CTDP1: variants seen among roughly 807,000 people sequenced by gnomAD.
CTDP1 encodes the protein RNA polymerase II subunit A C-terminal domain phosphatase.
A neutral mutation model predicts 91.8 loss-of-function variants in CTDP1; 47 were observed. The observed-to-expected ratio is 0.51, with a 90% CI of 0.41 to 0.65. The LOEUF (loss-of-function observed/expected upper bound fraction) is 0.65. Among genes scored for constraint, CTDP1 ranks in the 30% least tolerant of loss-of-function variants. The pLI, the probability that CTDP1 is intolerant of heterozygous loss-of-function variation, is 0.00. For synonymous variants in CTDP1, 656 were observed against 598.5 expected (o/e 1.10, Z -1.40); for missense variants, 1,272 against 1,373.7 (o/e 0.93, Z 1.17).
chr18:79,750,630 A>G (rs1481597804), intron 12 of CTDP1, among the ~76,000 whole-genome samples: 1 of 144,816 alleles, frequency 6.9e-6, no homozygotes, highest in African/African-American at 2.6e-5. Context: ...AGTAGCTGGG[A>G]CTACAGGTGC....
chr18:79,722,058 ATT>A (rs1256653971), intron 10 of CTDP1, among the ~76,000 whole-genome samples: 2 of 152,182 alleles, frequency 1.3e-5, no homozygotes, highest in African/African-American at 4.8e-5. Flanking sequence ...TCCTGTCCTC[ATT>A]GTCTTAAACT....
intron 11 of CTDP1, among the ~76,000 whole-genome samples, chr18:79,732,151 T>G (rs906305214): frequency 8.7e-5 from 13 of 150,174 alleles, no homozygotes; most frequent in Non-Finnish European, 1.5e-4. Flanking sequence ...ACATAAGAAC[T>G]AACATCAGGA....
chr18:79,749,501 C>CGCCACGCACTCCCGAG (rs142577028), intron 12 of CTDP1, among the ~76,000 whole-genome samples: 139,435 of 150,234 alleles, frequency 0.93, 65,490 homozygotes, highest in Non-Finnish European at 1. Context: ...GTGAGGGTCG[C>CGCCACGCACTCCCGAG]GCCCCGTGCA....
upstream of CTDP1, chr18:79,679,631 G>A (rs187254134): frequency 2.0e-6 from 1 of 491,878 alleles, no homozygotes; most frequent in South Asian, 1.5e-5. Context: ...CTGCTCCACG[G>A]TGCCGGCGCT....
In CTDP1 at chr18:79,718,931, C is replaced by T. The variant is rs190654928; in HGVS notation, c.2417+915C>T. On this transcript the variant is annotated intron_variant, in intron 10 of 12. Transcript: ENST00000613122. Reference sequence around the variant, plus strand: ...CGGTTAATGGGGAGATGGAGAGGTACGGCTTGATGTCCTTTTCGAGCCTTT... The same window carrying T: ...CGGTTAATGGGGAGATGGAGAGGTATGGCTTGATGTCCTTTTCGAGCCTTT... Among the ~76,000 whole-genome samples, 95 of 152,244 alleles carry T rather than the reference C, an allele frequency of 6.2e-4. No homozygotes were observed. In the East Asian group the frequency reaches 0.015, roughly 25 times the overall value.
At chr18:79,706,218 G>A (rs910384235) in intron 5 of CTDP1, among the ~76,000 whole-genome samples, 5 of 152,190 alleles carry the variant, frequency 3.3e-5, no homozygotes, top group African/African-American at 2.4e-5. Flanking sequence ...GTGGTCGGAC[G>A]CCGGCCTCCA....
intron 12 of CTDP1, among the ~76,000 whole-genome samples, chr18:79,739,851 C>CGGCGCT (rs1568215688): frequency 4.2e-4 from 32 of 76,562 alleles, no homozygotes; most frequent in South Asian, 6.7e-4. Flanking sequence ...GGGTGGGACT[C>CGGCGCT]TCATACCCAC....
At chr18:79,729,409 G>A (rs535955768) in intron 11 of CTDP1, among the ~76,000 whole-genome samples, 4 of 152,312 alleles carry the variant, frequency 2.6e-5, no homozygotes, top group African/African-American at 4.8e-5. Flanking sequence ...GGGTCTGGAG[G>A]CACTCATGGT....
chr18:79,688,500 G>A (rs1216053569), intron 1 of CTDP1, among the ~76,000 whole-genome samples: 1 of 152,150 alleles, frequency 6.6e-6, no homozygotes, highest in East Asian at 1.9e-4. Flanking sequence ...CCTGACCTCA[G>A]GTGATCCACC....
upstream of CTDP1, chr18:79,679,607 C>G (rs1210622668): frequency 4.8e-5 from 23 of 478,520 alleles, no homozygotes; most frequent in Admixed American, 5.3e-4. Flanking sequence ...GACAGCGGCC[C>G]GCGTTGCATG....
chr18:79,680,402 C>G, intron 1 of CTDP1, 141 bp downstream of exon 1: 1 of 646,714 alleles, frequency 1.5e-6, no homozygotes, highest in East Asian at 3.6e-5. Context: ...CACTGCGCTT[C>G]TCCCCTAAAA....
chr18:79,724,896 T>C (rs1262830549), intron 10 of CTDP1, among the ~76,000 whole-genome samples: 1 of 152,190 alleles, frequency 6.6e-6, no homozygotes, highest in Non-Finnish European at 1.5e-5. Context: ...CCATGGCTGC[T>C]TCTGCCGCAG....
In CTDP1 at chr18:79,717,949, A is replaced by T. The variant is rs781164143; in HGVS notation, c.2350A>T (p.Thr784Ser). 6 of 1,613,466 alleles carry T rather than the reference A, an allele frequency of 3.7e-6. No homozygotes were observed. The highest frequency in any genetic ancestry group is 5.1e-6 in the Non-Finnish European group (6 of 1,179,986). Residue 784 changes from threonine (T) to serine (S), a missense_variant, in exon 10 of 13, where the codon ACG (threonine) becomes TCG (serine). This residue lies in a region of CTDP1 where 881 missense variants were observed against 911.6 expected (regional missense o/e 0.97). Transcript: ENST00000613122. ...YDSNTGKLIR[T>S]GARGPPAPSS... ...CTCCAACACGGGGAAGCTCATCAGG[A>T]CGGGCGCCCGGGGGCCCCCAGCACC...
At position 79,679,910 on chromosome 18, in the gene CTDP1, A is replaced by C. The variant is rs1486296146; in HGVS notation, c.-38A>C. 2 of 1,371,970 alleles carry C rather than the reference A, an allele frequency of 1.5e-6. No homozygotes were observed. The highest frequency in any genetic ancestry group is 3.3e-5 in the Admixed American group (1 of 30,302). 85.0% of individuals were successfully genotyped at this position (1,371,970 alleles called of 1,614,324 possible). ...AGGCGCTGCGCTCTGAGCGCAGCGC[A>C]GGCCCCGTACCGACCGCCCGCCCGC... On this transcript the variant is annotated 5_prime_UTR_variant, in exon 1 of 13. Coordinates refer to ENST00000613122, the MANE Select transcript of CTDP1 (RefSeq NM_004715.5).
chr18:79,710,282 C>A, intron 5 of CTDP1, 64 bp from the exon 6 acceptor site: 1 of 1,262,626 alleles, frequency 7.9e-7, no homozygotes, highest in Non-Finnish European at 1.2e-6. Context: ...CAAGGCTTCA[C>A]CATGTGCCGT....
At chr18:79,749,498 T>TGG in intron 12 of CTDP1, among the ~76,000 whole-genome samples, 1 of 11,262 alleles carries the variant, frequency 8.9e-5, no homozygotes, top group Non-Finnish European at 5.2e-4. Flanking sequence ...ACTGTGAGGG[T>TGG]CGCGCCCCGT....
intron 3 of CTDP1, 99 bp downstream of exon 3, chr18:79,696,169 G>A: frequency 3.9e-6 from 4 of 1,033,010 alleles, no homozygotes; most frequent in East Asian, 2.6e-5. Context: ...ACGTGTGGTT[G>A]TCATCGTCGT....
rs892582531 is a variant in CTDP1, at chr18:79,693,270, T to C, written c.315-1955T>C. Among the ~76,000 whole-genome samples, 4 of 152,260 alleles carry C rather than the reference T, an allele frequency of 2.6e-5. No individual in the cohort carries two copies. In the East Asian group the frequency reaches 7.7e-4, roughly 29 times the overall value. ...TTTTTTTTGTTTTTGTTTTTGTTTT[T>C]TTTCAGAGATTGGGTTTTTAGGTTA... On this transcript the variant is annotated intron_variant, in intron 1 of 12. Coordinates refer to ENST00000613122, the MANE Select transcript of CTDP1 (RefSeq NM_004715.5).
chr18:79,752,130 G>T (rs1001401007), intron 12 of CTDP1, among the ~76,000 whole-genome samples: 3 of 152,250 alleles, frequency 2.0e-5, no homozygotes, highest in African/African-American at 7.2e-5. Context: ...GGTGTGCCCC[G>T]ATCAAGTCGG....
Sources: gnomAD v4.1 joint callset for allele counts (sites outside exome capture counted in the v4.1 genomes callset) on GRCh38, gnomAD v4.1.1 for gene constraint, gnomAD v4.1.1 regional missense constraint, MANE v1.5 for transcripts, NCBI Gene and HGNC (gene_info 2026-07-23, HGNC 2026-07-21) for gene names.